RHOU: variants seen among roughly 807,000 people sequenced by gnomAD.
RHOU encodes rho-related GTP-binding protein RhoU.
Under a neutral mutation model 12.6 loss-of-function variants are expected in RHOU, and 8 were observed. That is an observed-to-expected ratio of 0.64 (90% CI 0.37 to 1.15). The LOEUF is 1.15. Ranked by LOEUF, RHOU falls within the 50% of genes most tolerant of loss-of-function variation. The pLI is 0.01. For synonymous variants in RHOU, 161 were observed against 147.4 expected, an observed-to-expected ratio of 1.09 and a Z score of -0.67; for missense variants, 258 against 347.0, an observed-to-expected ratio of 0.74 and a Z score of 2.04.
the RHOU span, among the ~76,000 whole-genome samples, chr1:228,701,647 T>C: frequency 6.6e-6 from 1 of 152,030 alleles, no homozygotes; most frequent in Admixed American, 6.5e-5. Flanking sequence ...TTTTATAATC[T>C]CTTACAAAAT....
At chr1:228,673,715 A>C in the RHOU span, among the ~76,000 whole-genome samples, 6 of 152,174 alleles carry the variant, frequency 3.9e-5, no homozygotes, top group Non-Finnish European at 8.8e-5. Context: ...CTTCTCAGTC[A>C]TGCTTCCTGT....
chr1:228,650,668 G>A, the RHOU span: 270 of 483,718 alleles, frequency 5.6e-4, 1 homozygote, highest in Admixed American at 4.2e-4. Context: ...CGTTTCACTC[G>A]TTTCAAAGTG....
the RHOU span, among the ~76,000 whole-genome samples, chr1:228,646,733 C>T: frequency 4.6e-5 from 7 of 151,886 alleles, no homozygotes; most frequent in Admixed American, 6.6e-5. Context: ...CAAATCCACT[C>T]CCCCACACAC....
the RHOU span, among the ~76,000 whole-genome samples, chr1:228,717,854 G>A: frequency 1.3e-5 from 2 of 152,174 alleles, no homozygotes; most frequent in Admixed American, 6.5e-5. Context: ...CATTTAAAAA[G>A]TTAATTCAAG....
the RHOU span, among the ~76,000 whole-genome samples, chr1:228,705,075 T>C: frequency 2.0e-5 from 3 of 151,984 alleles, no homozygotes; most frequent in Admixed American, 6.6e-5. Flanking sequence ...ATGCTGGCAT[T>C]ATAGGCATGA....
chr1:228,668,911 T>A, the RHOU span, among the ~76,000 whole-genome samples: 1 of 152,186 alleles, frequency 6.6e-6, no homozygotes, highest in Non-Finnish European at 1.5e-5. Context: ...ATGACAAGGT[T>A]GGGGAATCCC....
the RHOU span, among the ~76,000 whole-genome samples, chr1:228,669,744 A>G: frequency 4.6e-5 from 7 of 152,158 alleles, 1 homozygote; most frequent in Non-Finnish European, 1.0e-4. Flanking sequence ...ACCGTTTAGT[A>G]TGGAGAAGAG....
the RHOU span, among the ~76,000 whole-genome samples, chr1:228,647,162 G>A: frequency 1.3e-5 from 2 of 152,194 alleles, no homozygotes; most frequent in African/African-American, 4.8e-5. Context: ...TGAGCAGGGC[G>A]GCCAGGCGGC....
the RHOU span, among the ~76,000 whole-genome samples, chr1:228,662,102 G>C: frequency 6.6e-6 from 1 of 152,240 alleles, no homozygotes; most frequent in Non-Finnish European, 1.5e-5. Context: ...CTGGTCATCA[G>C]AGAAATGCAA....
the RHOU span, among the ~76,000 whole-genome samples, chr1:228,657,269 A>T: frequency 7.3e-6 from 1 of 136,152 alleles, no homozygotes; most frequent in Non-Finnish European, 1.6e-5. Flanking sequence ...GAGAGCAAAA[A>T]ACTCCATCTC....
chr1:228,649,188 T>G, the RHOU span, among the ~76,000 whole-genome samples: 1 of 152,218 alleles, frequency 6.6e-6, no homozygotes, highest in East Asian at 1.9e-4. Context: ...CTAAAAGCCA[T>G]GTATTACCCT....
the RHOU span, among the ~76,000 whole-genome samples, chr1:228,648,861 T>TC: frequency 1.5e-5 from 1 of 68,394 alleles, no homozygotes; most frequent in Non-Finnish European, 3.9e-5. Context: ...CCTCTCTCTC[T>TC]TTCTTTCTTT....
chr1:228,668,557 C>T, the RHOU span, among the ~76,000 whole-genome samples: 3 of 152,176 alleles, frequency 2.0e-5, no homozygotes, highest in Admixed American at 1.3e-4. Flanking sequence ...CCACCACACA[C>T]ATTTGGCATC....
At chr1:228,663,860 T>C in the RHOU span, among the ~76,000 whole-genome samples, 2 of 151,558 alleles carry the variant, frequency 1.3e-5, no homozygotes, top group African/African-American at 2.4e-5. Context: ...CCCGAACTCC[T>C]GACCTCAAGT....
At chr1:228,734,431 T>C (rs1358565064), upstream of RHOU, among the ~76,000 whole-genome samples, 2 of 152,198 alleles carry the variant, frequency 1.3e-5, no homozygotes, top group East Asian at 1.9e-4. Context: ...CTATTTGGGT[T>C]TGGATCCTGG....
the RHOU span, among the ~76,000 whole-genome samples, chr1:228,647,123 G>T: frequency 6.6e-6 from 1 of 152,292 alleles, no homozygotes; most frequent in South Asian, 2.1e-4. Flanking sequence ...GAGCAGTCCG[G>T]AATAGGGTGG....
chr1:228,664,621 C>G, the RHOU span, among the ~76,000 whole-genome samples: 1 of 152,030 alleles, frequency 6.6e-6, no homozygotes, highest in Non-Finnish European at 1.5e-5. Flanking sequence ...CAGGAGGAAC[C>G]CGTGTTCATT....
chr1:228,734,886 A>T (rs1662560175), upstream of RHOU, among the ~76,000 whole-genome samples: 1 of 152,238 alleles, frequency 6.6e-6, no homozygotes, highest in Non-Finnish European at 1.5e-5. Context: ...GGTTCACGGC[A>T]TGCCGAAAGA....
At chr1:228,646,580 C>A in the RHOU span, among the ~76,000 whole-genome samples, 1 of 129,188 alleles carries the variant, frequency 7.7e-6, no homozygotes, top group Non-Finnish European at 1.6e-5. Flanking sequence ...CGACCAAGAC[C>A]CGGCCGGGGG....
Sources: allele counts gnomAD v4.1 joint callset (sites outside exome capture counted in the v4.1 genomes callset), GRCh38; gene constraint gnomAD v4.1.1; transcripts MANE v1.5; gene names NCBI Gene and HGNC (gene_info 2026-07-23, HGNC 2026-07-21).